The following ATP10B variants were observed in gnomAD, a reference collection of about 807,000 sequenced individuals.
ATP10B encodes ATPase phospholipid transporting 10B (putative), also known as phospholipid-transporting ATPase VB.
ATP10B carries 122 observed loss-of-function variants against 141.2 expected under a neutral mutation model. That is an observed-to-expected ratio of 0.86 (90% CI 0.75 to 1.00). The LOEUF is 1.00. Ranked by LOEUF, ATP10B falls within the 50% of genes least tolerant of loss-of-function variation. ATP10B has a pLI of 0.00. For missense variants in ATP10B, 1,876 were observed against 1,825.3 expected (o/e 1.03, Z -0.51); for synonymous variants, 685 against 692.0 (o/e 0.99, Z 0.16).
chr5:160,912,440 A>AAAAAAAAAG, the ATP10B span, among the ~76,000 whole-genome samples: 4 of 134,662 alleles, frequency 3.0e-5, no homozygotes, highest in African/African-American at 8.7e-5. Flanking sequence ...AAAAAAAAAA[A>AAAAAAAAAG]AGAGAAAACT....
Position 160,688,836 on chromosome 5 carries a change from G to A in ATP10B, c.-97C>T. 1.0e-6 allele frequency: 1 copy of A among 985,390 alleles called. No homozygotes were observed. The highest frequency in any genetic ancestry group is 1.2e-6 in the Non-Finnish European group (1 of 829,906). The allele number at this position is 985,390 out of a possible 1,614,324, so 61.0% of individuals were successfully genotyped here. A position where few individuals can be genotyped will look rare whatever the true frequency, so the allele number is the denominator to read the frequency against. ...TCTTTCCTAGGAAATTTGTCCATGAGGTGACTGGGCTGTGCTACTGTCCAG... is the reference window on the plus strand; with the variant it reads ...TCTTTCCTAGGAAATTTGTCCATGAAGTGACTGGGCTGTGCTACTGTCCAG... On this transcript the variant is annotated 5_prime_UTR_variant, in exon 4 of 26. Coordinates refer to ENST00000327245, the MANE Select transcript of ATP10B (RefSeq NM_025153.3).
intron 3 of ATP10B, among the ~76,000 whole-genome samples, chr5:160,690,277 A>G (rs907794456): frequency 6.6e-6 from 1 of 152,234 alleles, no homozygotes; most frequent in African/African-American, 2.4e-5. Flanking sequence ...AGGCAAAACC[A>G]TTCAGGACAT....
intron 1 of ATP10B, among the ~76,000 whole-genome samples, chr5:160,841,737 A>AT (rs1775820540): frequency 6.6e-6 from 1 of 151,950 alleles, no homozygotes; most frequent in African/African-American, 2.4e-5. Context: ...ATTTATTATT[A>AT]TTTTTTTAAA....
intron 3 of ATP10B, among the ~76,000 whole-genome samples, chr5:160,709,213 A>C (rs1765206783): frequency 6.6e-6 from 1 of 152,220 alleles, no homozygotes; most frequent in Non-Finnish European, 1.5e-5. Context: ...GTAGGGAGGA[A>C]ACTCTTAGGG....
Position 160,607,539 on chromosome 5 carries a change from T to C in ATP10B, c.2839-453A>G, listed in dbSNP as rs570065486. Among the ~76,000 whole-genome samples, 21 of 152,326 alleles carry C rather than the reference T, an allele frequency of 1.4e-4. 1 individual carries two copies. Among genetic ancestry groups the C allele is most frequent in the Admixed American group, 9.8e-4 (15 of 15,294 alleles). On this transcript the variant is annotated intron_variant, in intron 18 of 25. Transcript: ENST00000327245. ...GAGGAGACTGAAATGAGATCTTTAA[T>C]AACTCACCCAAGATCATCCAAACTT... is the stretch of plus-strand genomic sequence containing the variant.
At chr5:160,758,468 G>A (rs1768796284) in intron 2 of ATP10B, among the ~76,000 whole-genome samples, 2 of 152,196 alleles carry the variant, frequency 1.3e-5, no homozygotes, top group South Asian at 4.1e-4. Flanking sequence ...TTTCATCTCT[G>A]TTCACTGTCC....
At chr5:160,621,399 C>A (rs2127649822) in intron 14 of ATP10B, among the ~76,000 whole-genome samples, 1 of 152,320 alleles carries the variant, frequency 6.6e-6, no homozygotes, top group East Asian at 1.9e-4. Context: ...ACTCCAGAGG[C>A]TGGGCTCTTG....
intron 24 of ATP10B, among the ~76,000 whole-genome samples, chr5:160,572,983 C>G (rs1186831094): frequency 6.6e-6 from 1 of 152,188 alleles, no homozygotes; most frequent in Non-Finnish European, 1.5e-5. Flanking sequence ...GTTTCATACA[C>G]GTGTACATGT....
intron 1 of ATP10B, among the ~76,000 whole-genome samples, chr5:160,814,046 A>G (rs1251629656): frequency 6.6e-6 from 1 of 152,216 alleles, no homozygotes; most frequent in East Asian, 1.9e-4. Context: ...AACAGAGCAG[A>G]AAAACCAGAA....
the ATP10B span, among the ~76,000 whole-genome samples, chr5:160,857,252 G>T: frequency 1.3e-5 from 2 of 151,110 alleles, no homozygotes; most frequent in Non-Finnish European, 3.0e-5. Context: ...TAGAGCTATT[G>T]GAAGTATCTA....
intron 2 of ATP10B, among the ~76,000 whole-genome samples, chr5:160,781,671 C>T (rs1280474585): frequency 2.6e-5 from 4 of 152,124 alleles, no homozygotes; most frequent in Admixed American, 6.6e-5. Flanking sequence ...CATACTGGCA[C>T]AACATAACAG....
At position 160,833,812 on chromosome 5, in the gene ATP10B, C is replaced by T. The variant is rs141867026; in HGVS notation, c.-576+18129G>A. On this transcript the variant is annotated intron_variant, in intron 1 of 25. Transcript: ENST00000327245. Reference sequence around the variant, plus strand: ...AATTACATTTGGCAGTGAGAAGACGCGTTTTAAATCTTAAAAATGACTTTA... The same window carrying T: ...AATTACATTTGGCAGTGAGAAGACGTGTTTTAAATCTTAAAAATGACTTTA... 6.1e-3 allele frequency among the ~76,000 whole-genome samples: 920 copies of T among 152,058 alleles called. 13 individuals carry two copies. The highest frequency in any genetic ancestry group is 0.021 in the African/African-American group (866 of 41,448).
At chr5:160,815,315 C>CA (rs959633455) in intron 1 of ATP10B, among the ~76,000 whole-genome samples, 16 of 151,066 alleles carry the variant, frequency 1.1e-4, no homozygotes, top group South Asian at 6.3e-4. Flanking sequence ...ATGGAAAGCA[C>CA]AAAAAAAAGC....
intron 7 of ATP10B, among the ~76,000 whole-genome samples, chr5:160,656,183 A>G (rs1398861118): frequency 6.6e-6 from 1 of 152,186 alleles, no homozygotes; most frequent in Non-Finnish European, 1.5e-5. Context: ...ATCTTTTGAA[A>G]TTGTTTGTAA....
intron 17 of ATP10B, chr5:160,613,956 T>C (rs1235929324): frequency 6.6e-6 from 1 of 152,112 alleles, no homozygotes; most frequent in Non-Finnish European, 1.5e-5. Context: ...GTTGGCAAAG[T>C]GGTTACGTTG....
intron 3 of ATP10B, among the ~76,000 whole-genome samples, chr5:160,695,446 G>A (rs948846725): frequency 2.6e-5 from 4 of 151,978 alleles, no homozygotes; most frequent in Non-Finnish European, 5.9e-5. Context: ...ATGAGTGAGA[G>A]GTGGCTGGAT....
intron 25 of ATP10B, among the ~76,000 whole-genome samples, chr5:160,567,576 T>A (rs528519134): frequency 5.9e-5 from 9 of 152,118 alleles, no homozygotes; most frequent in African/African-American, 2.2e-4. Flanking sequence ...GGGGGAAAGG[T>A]TTACACACAG....
chr5:160,611,473 A>G (rs987502754), intron 18 of ATP10B, among the ~76,000 whole-genome samples: 8 of 152,216 alleles, frequency 5.3e-5, no homozygotes, highest in African/African-American at 1.9e-4. Flanking sequence ...CTTCCTAAGC[A>G]TAATATTAAA....
At chr5:160,848,103 A>T (rs578229930) in intron 1 of ATP10B, among the ~76,000 whole-genome samples, 1 of 152,192 alleles carries the variant, frequency 6.6e-6, no homozygotes, top group African/African-American at 2.4e-5. Context: ...ACACACATAC[A>T]ATACACATGT....
Sources: allele counts gnomAD v4.1 joint callset (sites outside exome capture counted in the v4.1 genomes callset), GRCh38; gene constraint gnomAD v4.1.1; transcripts MANE v1.5; gene names NCBI Gene and HGNC (gene_info 2026-07-23, HGNC 2026-07-21).